Variants in LRRC4C observed in about 807,000 individuals in gnomAD.
The protein encoded by LRRC4C is leucine rich repeat containing 4C.
Under a neutral mutation model 33.6 loss-of-function variants are expected in LRRC4C, and 5 were observed. The observed-to-expected ratio is 0.15, with a 90% CI of 0.08 to 0.31. LRRC4C has a LOEUF of 0.31. LRRC4C is among the 10% of genes least tolerant of loss of function. LRRC4C has a pLI of 1.00. For synonymous variants in LRRC4C, 329 were observed against 302.0 expected, an observed-to-expected ratio of 1.09 and a Z score of -0.93; for missense variants, 560 against 796.7, an observed-to-expected ratio of 0.70 and a Z score of 3.58.
In LRRC4C at chr11:40,115,198, G is replaced by A; in HGVS notation, c.1095C>T (p.Val365=). The A allele has an allele frequency of 6.2e-7, 1 of 1,614,178 alleles. No individual in the cohort carries two copies. The highest frequency in any genetic ancestry group is 8.5e-7 in the Non-Finnish European group (1 of 1,180,032). The change falls in exon 7 of 7, where the codon GTC becomes GTT. Residue 365 remains valine, a synonymous_variant. Coordinates refer to ENST00000528697, the MANE Select transcript of LRRC4C (RefSeq NM_001258419.2). The surrounding 1 kb of genome is among the most constrained non-coding windows in gnomAD (Gnocchi z 6.7). The part of the protein sequence containing the change: ...VIVEPPADLN[V]TEGMAAELKC... ...TCAGCTCAGCTGCCATGCCTTCAGT[G>A]ACATTGAGGTCTGCAGGGGGCTCCA...
chr11:40,843,127 G>C (rs1051640256), intron 2 of LRRC4C, among the ~76,000 whole-genome samples: 3 of 152,022 alleles, frequency 2.0e-5, no homozygotes, highest in Non-Finnish European at 4.4e-5. Flanking sequence ...CACTTGCCTG[G>C]TGACGAACTG....
intron 2 of LRRC4C, among the ~76,000 whole-genome samples, chr11:40,806,071 T>C (rs1369597453): frequency 6.6e-6 from 1 of 152,200 alleles, no homozygotes; most frequent in African/African-American, 2.4e-5. Context: ...AATTTCTAAA[T>C]GCATACACTG....
chr11:40,541,918 A>T (rs892206092), intron 3 of LRRC4C, among the ~76,000 whole-genome samples: 1 of 152,212 alleles, frequency 6.6e-6, no homozygotes, highest in South Asian at 2.1e-4. Flanking sequence ...CCAAAAACCT[A>T]AATCTTCTGC....
chr11:40,546,425 C>CA (rs1956927502), intron 3 of LRRC4C, among the ~76,000 whole-genome samples: 1 of 152,022 alleles, frequency 6.6e-6, no homozygotes, highest in Non-Finnish European at 1.5e-5. Context: ...ACAGTTTCAT[C>CA]CTCTAGAATA....
At chr11:40,898,677 T>C (rs1021931966) in intron 2 of LRRC4C, among the ~76,000 whole-genome samples, 3 of 152,138 alleles carry the variant, frequency 2.0e-5, no homozygotes, top group Non-Finnish European at 2.9e-5. Flanking sequence ...TAGGCAGACC[T>C]TTGTGTTACA....
At chr11:41,360,170 G>C (rs1233217668) in intron 1 of LRRC4C, among the ~76,000 whole-genome samples, 1 of 152,070 alleles carries the variant, frequency 6.6e-6, no homozygotes, top group Non-Finnish European at 1.5e-5. Flanking sequence ...ATGACAAAGG[G>C]GGACCCTGTC....
intron 1 of LRRC4C, among the ~76,000 whole-genome samples, chr11:41,439,142 T>G (rs902231081): frequency 2.6e-5 from 4 of 152,154 alleles, no homozygotes; most frequent in African/African-American, 9.7e-5. Flanking sequence ...CCCTTGTAAA[T>G]TCCTGATTCA....
Position 40,978,802 on chromosome 11 carries a change from T to G in LRRC4C, c.-495-45079A>C, listed in dbSNP as rs145301294. On this transcript the variant is annotated intron_variant, in intron 1 of 6. Coordinates refer to ENST00000528697, the MANE Select transcript of LRRC4C (RefSeq NM_001258419.2). ...ATGCCCGGCTATTTTTTTTTTCTTT[T>G]TGTATTTTTAGTAGAGATGGGATTT... Among the ~76,000 whole-genome samples the G allele has an allele frequency of 6.1e-3, 927 of 152,008 alleles. 9 individuals carry two copies. The highest frequency in any genetic ancestry group is 0.02 in the African/African-American group (846 of 41,458).
At chr11:41,129,329 T>C (rs868592351) in intron 1 of LRRC4C, among the ~76,000 whole-genome samples, 5 of 152,106 alleles carry the variant, frequency 3.3e-5, no homozygotes, top group African/African-American at 9.6e-5. Flanking sequence ...CATATATTGG[T>C]GGAAGTATAT....
intron 1 of LRRC4C, among the ~76,000 whole-genome samples, chr11:41,019,688 T>G (rs775416623): frequency 2.0e-5 from 3 of 152,192 alleles, no homozygotes; most frequent in Non-Finnish European, 4.4e-5. Flanking sequence ...ATCTACTGTT[T>G]CCTGACTTTT....
At position 40,450,172 on chromosome 11, in the gene LRRC4C, TC is replaced by T. The variant is rs1951821147; in HGVS notation, c.-269-130452del. 2.0e-5 allele frequency among the ~76,000 whole-genome samples: 3 copies of T among 152,154 alleles called. No homozygotes were observed. The South Asian group carries it at 6.2e-4, about 31-fold the overall frequency. ...AAGACCCACTCACTAAATATGCCCTTCCCTCCCGCATCTCCTCTTGTCAATA... is the reference window on the plus strand; with the variant it reads ...AAGACCCACTCACTAAATATGCCCTTCCTCCCGCATCTCCTCTTGTCAATA... On this transcript the variant is annotated intron_variant, in intron 3 of 6. Transcript: ENST00000528697.
At chr11:40,929,858 T>C (rs1185513071) in intron 2 of LRRC4C, among the ~76,000 whole-genome samples, 2 of 152,212 alleles carry the variant, frequency 1.3e-5, no homozygotes, top group African/African-American at 2.4e-5. Flanking sequence ...CTTTCCTCTA[T>C]TGACATGTAA....
At chr11:40,699,095 C>T (rs1591496206) in intron 2 of LRRC4C, among the ~76,000 whole-genome samples, 4 of 152,242 alleles carry the variant, frequency 2.6e-5, no homozygotes, top group East Asian at 1.9e-4. Flanking sequence ...ACTCTGCAGA[C>T]GATACAACTG....
intron 2 of LRRC4C, among the ~76,000 whole-genome samples, chr11:40,662,445 A>G (rs1495297): frequency 6.6e-6 from 1 of 151,918 alleles, no homozygotes; most frequent in Non-Finnish European, 1.5e-5. Context: ...AGAAAAGACA[A>G]CCTTGCAGAC....
At chr11:40,490,758 A>G (rs1164570392) in intron 3 of LRRC4C, among the ~76,000 whole-genome samples, 1 of 152,134 alleles carries the variant, frequency 6.6e-6, no homozygotes, top group Non-Finnish European at 1.5e-5. Context: ...ATGTTCTTTA[A>G]TTTGGAAACA....
At chr11:41,453,660 A>G (rs901442983) in intron 1 of LRRC4C, among the ~76,000 whole-genome samples, 16 of 150,154 alleles carry the variant, frequency 1.1e-4, no homozygotes, top group East Asian at 1.9e-4. Context: ...TTTTGTGTGT[A>G]TGTGTGTGTG....
At chr11:41,321,263 A>G (rs181209575) in intron 1 of LRRC4C, among the ~76,000 whole-genome samples, 11 of 152,298 alleles carry the variant, frequency 7.2e-5, no homozygotes, top group Admixed American at 6.5e-4. Context: ...GATTAGGGTG[A>G]GAAATTTTTG....
chr11:40,871,163 C>T (rs1378374270), intron 2 of LRRC4C, among the ~76,000 whole-genome samples: 1 of 150,470 alleles, frequency 6.6e-6, no homozygotes, highest in Non-Finnish European at 1.5e-5. Context: ...AAGATGTTAT[C>T]AATGAAAATG....
At chr11:40,971,008 C>G (rs1026192683) in intron 1 of LRRC4C, among the ~76,000 whole-genome samples, 2 of 152,112 alleles carry the variant, frequency 1.3e-5, no homozygotes, top group Non-Finnish European at 1.5e-5. Context: ...AAAGAAATGA[C>G]CTGAAACTGG....
Sources: gnomAD v4.1 joint callset for allele counts (sites outside exome capture counted in the v4.1 genomes callset) on GRCh38, gnomAD v4.1.1 for gene constraint, Gnocchi (gnomAD v3.1) non-coding constraint, MANE v1.5 for transcripts, NCBI Gene and HGNC (gene_info 2026-07-23, HGNC 2026-07-21) for gene names.